Variants in TMEM117 observed in about 807,000 individuals in gnomAD.
TMEM117 encodes transmembrane protein 117.
A neutral mutation model predicts 52.4 loss-of-function variants in TMEM117; 27 were observed. That is an observed-to-expected ratio of 0.51 (90% CI 0.38 to 0.71). TMEM117 has a LOEUF of 0.71. Among genes scored for constraint, TMEM117 ranks in the 30% least tolerant of loss-of-function variants. The probability of loss-of-function intolerance (pLI) is 0.00; values close to 1 mark genes in which losing one functional copy is unlikely to be tolerated. For synonymous variants in TMEM117, 215 were observed against 206.3 expected (o/e 1.04, Z -0.36); for missense variants, 556 against 630.5 (o/e 0.88, Z 1.26).
intron 2 of TMEM117, among the ~76,000 whole-genome samples, chr12:43,847,678 G>C (rs1397068754): frequency 2.0e-5 from 3 of 152,194 alleles, no homozygotes; most frequent in African/African-American, 4.8e-5. Context: ...TGATTCATCT[G>C]GGTGGGGACT....
intron 5 of TMEM117, among the ~76,000 whole-genome samples, chr12:44,242,017 G>T (rs550480127): frequency 6.6e-6 from 1 of 151,876 alleles, no homozygotes; most frequent in Non-Finnish European, 1.5e-5. Flanking sequence ...TAAGGTTGAC[G>T]TGGCTCTGTT....
intron 3 of TMEM117, among the ~76,000 whole-genome samples, chr12:44,094,427 T>C (rs1947723552): frequency 6.6e-6 from 1 of 152,132 alleles, no homozygotes; most frequent in South Asian, 2.1e-4. Context: ...GAGCTTGCAT[T>C]TATTAATAGT....
chr12:43,936,109 G>T (rs1205373399), intron 2 of TMEM117, among the ~76,000 whole-genome samples: 1 of 152,108 alleles, frequency 6.6e-6, no homozygotes, highest in Non-Finnish European at 1.5e-5. Flanking sequence ...GACTTGATTT[G>T]ACCACATAGG....
the TMEM117 span, among the ~76,000 whole-genome samples, chr12:44,398,091 T>G: frequency 2.5e-3 from 360 of 146,422 alleles, 2 homozygotes; most frequent in African/African-American, 9.0e-3. Flanking sequence ...GTTTTTTTTT[T>G]TTGTTTGTTT....
chr12:43,990,285 C>T (rs1252188179), intron 3 of TMEM117, among the ~76,000 whole-genome samples: 3 of 152,134 alleles, frequency 2.0e-5, no homozygotes, highest in Non-Finnish European at 4.4e-5. Flanking sequence ...TCAAATGAAT[C>T]TGAGGTCTTT....
chr12:44,246,356 T>C (rs1026104387), intron 5 of TMEM117, among the ~76,000 whole-genome samples: 26 of 152,146 alleles, frequency 1.7e-4, no homozygotes, highest in African/African-American at 6.0e-4. Context: ...ACAAGGAGAA[T>C]TGGAAGCTGC....
At chr12:44,204,045 A>G (rs1226899956) in intron 4 of TMEM117, among the ~76,000 whole-genome samples, 1 of 152,028 alleles carries the variant, frequency 6.6e-6, no homozygotes, top group African/African-American at 2.4e-5. Flanking sequence ...CTACTATTCA[A>G]AATAGTGCTG....
intron 2 of TMEM117, among the ~76,000 whole-genome samples, chr12:43,940,919 C>G (rs895945531): frequency 1.3e-5 from 2 of 152,118 alleles, no homozygotes; most frequent in African/African-American, 4.8e-5. Flanking sequence ...TGATCCTAAA[C>G]CTACTGTATT....
chr12:43,967,248 C>G (rs1945500821), intron 3 of TMEM117, among the ~76,000 whole-genome samples: 1 of 152,068 alleles, frequency 6.6e-6, no homozygotes, highest in African/African-American at 2.4e-5. Flanking sequence ...CCTCAGCCTC[C>G]TGGGTAACTG....
intron 3 of TMEM117, among the ~76,000 whole-genome samples, chr12:44,042,399 C>T (rs1946813830): frequency 6.6e-6 from 1 of 151,170 alleles, no homozygotes; most frequent in South Asian, 2.1e-4. Flanking sequence ...ATGGTTAACA[C>T]TGAGTGTCAA....
At chr12:44,123,379 G>A (rs116214035) in intron 3 of TMEM117, among the ~76,000 whole-genome samples, 1,866 of 151,822 alleles carry the variant, frequency 0.012, 32 homozygotes, top group African/African-American at 0.042. Flanking sequence ...TTTCCTTTGC[G>A]GTGCAGAAGC....
chr12:44,020,040 A>G (rs1269192319), intron 3 of TMEM117, among the ~76,000 whole-genome samples: 24 of 152,194 alleles, frequency 1.6e-4, no homozygotes, highest in Non-Finnish European at 2.9e-5. Context: ...TTAGTCAGTA[A>G]TGGTGTTTTC....
chr12:44,008,980 C>G (rs985759913), intron 3 of TMEM117: 2 of 369,702 alleles, frequency 5.4e-6, no homozygotes, highest in Non-Finnish European at 1.1e-5. Context: ...GCTTATAGGT[C>G]TTCTGTTTAG....
chr12:43,808,987 A>C, the TMEM117 span, among the ~76,000 whole-genome samples: 1 of 152,176 alleles, frequency 6.6e-6, no homozygotes, highest in African/African-American at 2.4e-5. Context: ...CAAAACAAAA[A>C]GAGAACTATA....
chr12:43,932,871 C>T (rs772493598), intron 2 of TMEM117, among the ~76,000 whole-genome samples: 2 of 152,082 alleles, frequency 1.3e-5, no homozygotes, highest in African/African-American at 2.4e-5. Context: ...TGTGGAAAGT[C>T]GTGAATGAAA....
At chr12:43,797,053 G>A in the TMEM117 span, 14 of 1,610,112 alleles carry the variant, frequency 8.7e-6, no homozygotes, top group Admixed American at 5.0e-5. Flanking sequence ...TACAGCATCC[G>A]CTCTCTTATA....
intron 4 of TMEM117, among the ~76,000 whole-genome samples, chr12:44,179,233 A>G (rs1329531773): frequency 6.6e-6 from 1 of 151,974 alleles, no homozygotes; most frequent in Non-Finnish European, 1.5e-5. Context: ...TATATACATA[A>G]AGGGAGTTTA....
intron 6 of TMEM117, among the ~76,000 whole-genome samples, chr12:44,366,898 G>GTCAGAATA (rs1305700754): frequency 4.6e-5 from 7 of 152,052 alleles, no homozygotes; most frequent in African/African-American, 1.7e-4. Flanking sequence ...AAGAGTGTTG[G>GTCAGAATA]TCAGAATATT....
intron 2 of TMEM117, among the ~76,000 whole-genome samples, chr12:43,866,453 T>C (rs183962997): frequency 6.7e-6 from 1 of 150,204 alleles, no homozygotes; most frequent in Admixed American, 6.6e-5. Flanking sequence ...TGCACACCTA[T>C]AGTTCCAGCT....
Sources: allele counts gnomAD v4.1 joint callset (sites outside exome capture counted in the v4.1 genomes callset), GRCh38; gene constraint gnomAD v4.1.1; transcripts MANE v1.5; gene names NCBI Gene and HGNC (gene_info 2026-07-23, HGNC 2026-07-21).